The following NIPSNAP3B variants were observed in gnomAD, a reference collection of about 807,000 sequenced individuals.
The protein encoded by NIPSNAP3B is nipsnap homolog 3B, also known as protein NipSnap homolog 3B.
In NIPSNAP3B, 30 loss-of-function variants were observed where a neutral mutation model predicts 31.5. That is an observed-to-expected ratio of 0.95 (90% CI 0.71 to 1.29). The LOEUF is 1.29. NIPSNAP3B is among the 50% of genes most tolerant of loss of function. The pLI, the probability that NIPSNAP3B is intolerant of heterozygous loss-of-function variation, is 0.00. For missense variants in NIPSNAP3B, 269 were observed against 300.7 expected, an observed-to-expected ratio of 0.89 and a Z score of 0.78; for synonymous variants, 106 against 107.9, an observed-to-expected ratio of 0.98 and a Z score of 0.11.
At position 104,773,113 on chromosome 9, in the gene NIPSNAP3B, A is replaced by G. The variant is rs1159719858; in HGVS notation, c.*40A>G. 3 of 1,583,012 alleles carry G rather than the reference A, an allele frequency of 1.9e-6. No individual in the cohort carries two copies. The highest frequency in any genetic ancestry group is 1.7e-5 in the Admixed American group (1 of 59,786). ...ACAAAACATTTCATTAACTGCTCTAAGATGTGTCTGCTAATGGTGCTTAAA... is the reference window on the plus strand; with the variant it reads ...ACAAAACATTTCATTAACTGCTCTAGGATGTGTCTGCTAATGGTGCTTAAA... On this transcript the variant is annotated 3_prime_UTR_variant, in exon 6 of 6. Coordinates refer to ENST00000374762, the MANE Select transcript of NIPSNAP3B (RefSeq NM_018376.4).
chr9:104,781,916 T>G (rs1828570078), downstream of NIPSNAP3B: 1 of 152,190 alleles, frequency 6.6e-6, no homozygotes, highest in African/African-American at 2.4e-5. Flanking sequence ...AATTACTATT[T>G]TAAAAGGTAA....
the NIPSNAP3B span, chr9:104,785,268 T>C: frequency 7.9e-7 from 1 of 1,265,468 alleles, no homozygotes; most frequent in African/African-American, 1.5e-5. Context: ...AAAGCATAGC[T>C]AGGAATAGTA....
the NIPSNAP3B span, among the ~76,000 whole-genome samples, chr9:104,790,291 G>A: frequency 3.9e-5 from 6 of 152,096 alleles, no homozygotes; most frequent in Non-Finnish European, 7.4e-5. Context: ...TGTAGGAATT[G>A]TTCCTGAGGA....
intron 1 of NIPSNAP3B, 71 bp downstream of exon 1, chr9:104,764,371 G>T (rs1828045635): frequency 3.0e-6 from 4 of 1,336,446 alleles, no homozygotes; most frequent in South Asian, 1.4e-5. Flanking sequence ...TTTCTGAAGC[G>T]TGCGAGCCAC....
chr9:104,787,358 T>C, the NIPSNAP3B span, among the ~76,000 whole-genome samples: 2 of 152,188 alleles, frequency 1.3e-5, no homozygotes, highest in East Asian at 1.9e-4. Flanking sequence ...CCTTTTTTTT[T>C]TTAATTCCAG....
intron 4 of NIPSNAP3B, among the ~76,000 whole-genome samples, chr9:104,771,686 C>T (rs112661088): frequency 6.6e-6 from 1 of 152,150 alleles, no homozygotes; most frequent in East Asian, 1.9e-4. Context: ...CTGCAGTGAA[C>T]ATTCACGTGC....
In NIPSNAP3B at chr9:104,775,752, A is replaced by G. The variant is rs190493823; in HGVS notation, c.*2679A>G. Among the ~76,000 whole-genome samples, 1 of 152,312 alleles carries G rather than the reference A, an allele frequency of 6.6e-6. No individual in the cohort carries two copies. The highest frequency in any genetic ancestry group is 2.4e-5 in the African/African-American group (1 of 41,558). On this transcript the variant is annotated 3_prime_UTR_variant, in exon 6 of 6. Coordinates refer to ENST00000374762, the MANE Select transcript of NIPSNAP3B (RefSeq NM_018376.4). Reference sequence around the variant, plus strand: ...ACTGAGCTCTTGATCTTTAACCAGAAACTTTATCTCAGCTATTGGCAACTC... The same window carrying G: ...ACTGAGCTCTTGATCTTTAACCAGAGACTTTATCTCAGCTATTGGCAACTC...
chr9:104,764,389 C>T (rs1245551372), intron 1 of NIPSNAP3B, 89 bp downstream of exon 1: 1 of 1,193,522 alleles, frequency 8.4e-7, no homozygotes, highest in African/African-American at 1.6e-5. Context: ...CACGCTCAGG[C>T]GCTCCCAGAC....
intron 2 of NIPSNAP3B, among the ~76,000 whole-genome samples, chr9:104,768,591 G>A (rs909134095): frequency 1.3e-5 from 2 of 152,072 alleles, no homozygotes; most frequent in African/African-American, 2.4e-5. Flanking sequence ...ATTGAATAAC[G>A]AACCTAATTC....
intron 4 of NIPSNAP3B, among the ~76,000 whole-genome samples, chr9:104,772,574 G>A (rs1302693359): frequency 1.3e-5 from 2 of 151,810 alleles, no homozygotes; most frequent in African/African-American, 4.8e-5. Context: ...CATTAAACTC[G>A]GGTCTAGTCT....
intron 1 of NIPSNAP3B, 123 bp from the exon 2 acceptor site, chr9:104,766,202 C>T: frequency 1.4e-6 from 1 of 710,538 alleles, no homozygotes; most frequent in South Asian, 1.8e-5. Flanking sequence ...GGAGAATTGA[C>T]AACAAAAGTA....
Position 104,773,194 on chromosome 9 carries a change from T to C in NIPSNAP3B, c.*121T>C, listed in dbSNP as rs143150464. 3.8e-5 allele frequency: 35 copies of C among 924,318 alleles called. No homozygotes were observed. The African/African-American group carries it at 4.7e-4, about 12-fold the overall frequency. The allele number at this position is 924,318 out of a possible 1,614,324, so 57.3% of individuals were successfully genotyped here. The stretch of plus-strand genomic sequence containing the variant: ...AGGAGGTGGTAAGTTAATTAGTTAA[T>C]TTGCTGTGCTTCTTGCATTTTTGAA... On this transcript the variant is annotated 3_prime_UTR_variant, in exon 6 of 6. Coordinates refer to ENST00000374762, the MANE Select transcript of NIPSNAP3B (RefSeq NM_018376.4).
the NIPSNAP3B span, among the ~76,000 whole-genome samples, chr9:104,784,775 C>G: frequency 6.6e-6 from 1 of 152,196 alleles, no homozygotes; most frequent in Non-Finnish European, 1.5e-5. Context: ...TCGCAAGTAG[C>G]TGGGACTACA....
At chr9:104,771,032 T>G (rs747733655) in intron 4 of NIPSNAP3B, 34 bp downstream of exon 4, 2 of 1,603,528 alleles carry the variant, frequency 1.2e-6, no homozygotes, top group Non-Finnish European at 1.7e-6. Flanking sequence ...GAAGTTGCCA[T>G]GTGTATTAGA....
At chr9:104,765,491 C>T (rs1417617268) in intron 1 of NIPSNAP3B, among the ~76,000 whole-genome samples, 1 of 152,178 alleles carries the variant, frequency 6.6e-6, no homozygotes, top group Non-Finnish European at 1.5e-5. Flanking sequence ...ACATTAAGCT[C>T]ACTCAGGCTC....
rs949667282 is a variant in NIPSNAP3B at position 104,769,967 on chromosome 9, G to A, written c.431-882G>A. ...TTTAAACAGAGGTCAGATTCGAAAA[G>A]CATAAACTAATTTAAATTTCATTTT... On this transcript the variant is annotated intron_variant, in intron 3 of 5. Coordinates refer to ENST00000374762, the MANE Select transcript of NIPSNAP3B (RefSeq NM_018376.4). 3.9e-5 allele frequency among the ~76,000 whole-genome samples: 6 copies of A among 152,130 alleles called. No homozygotes were observed. In the South Asian group the frequency reaches 1.2e-3, roughly 32 times the overall value.
chr9:104,783,084 A>G, the NIPSNAP3B span: 1 of 152,554 alleles, frequency 6.6e-6, no homozygotes, highest in Non-Finnish European at 1.5e-5. Context: ...AAAGAAACTC[A>G]AATATAATGT....
rs1828323168 is a variant in NIPSNAP3B at position 104,775,779 on chromosome 9, A to C, written c.*2706A>C. Among the ~76,000 whole-genome samples the C allele has an allele frequency of 1.3e-5, 2 of 152,122 alleles. No homozygotes were observed. The highest frequency in any genetic ancestry group is 1.3e-4 in the Admixed American group (2 of 15,274). On this transcript the variant is annotated 3_prime_UTR_variant, in exon 6 of 6. Coordinates refer to ENST00000374762, the MANE Select transcript of NIPSNAP3B (RefSeq NM_018376.4). ...CTTTATCTCAGCTATTGGCAACTCC[A>C]GGTTTCTGTTTTGCTCAGGCCACAG...
chr9:104,764,343 G>C (rs1365208411), intron 1 of NIPSNAP3B, 43 bp downstream of exon 1: 2 of 1,483,786 alleles, frequency 1.3e-6, no homozygotes, highest in Non-Finnish European at 1.8e-6. Flanking sequence ...CCGGAGGGGA[G>C]GGGAGGGGCG....
Sources: gnomAD v4.1 joint callset for allele counts (sites outside exome capture counted in the v4.1 genomes callset) on GRCh38, gnomAD v4.1.1 for gene constraint, MANE v1.5 for transcripts, NCBI Gene and HGNC (gene_info 2026-07-23, HGNC 2026-07-21) for gene names.